NRXN1: variants seen among roughly 807,000 people sequenced by gnomAD.
NRXN1 encodes neurexin 1, also known as neurexin-1.
NRXN1 carries 39 observed loss-of-function variants against 150.9 expected under a neutral mutation model. The observed-to-expected ratio is 0.26, with a 90% CI of 0.20 to 0.34. NRXN1 has a LOEUF of 0.34. Ranked by LOEUF, NRXN1 falls within the 10% of genes least tolerant of loss-of-function variation. The pLI, the probability that NRXN1 is intolerant of heterozygous loss-of-function variation, is 1.00. For synonymous variants in NRXN1, 924 were observed against 757.0 expected (o/e 1.22, Z -3.62); for missense variants, 1,815 against 1,949.9 (o/e 0.93, Z 1.30).
chr2:50,118,115 T>G (rs1276898485), intron 18 of NRXN1, among the ~76,000 whole-genome samples: 1 of 152,216 alleles, frequency 6.6e-6, no homozygotes, highest in South Asian at 2.1e-4. Context: ...AGTAAGATCT[T>G]AACGTTGTAC....
chr2:50,113,475 T>C (rs1702638161), intron 18 of NRXN1, among the ~76,000 whole-genome samples: 2 of 152,212 alleles, frequency 1.3e-5, no homozygotes, highest in Non-Finnish European at 2.9e-5. Flanking sequence ...TTTTTGTCCA[T>C]GGAAGTTCTG....
At chr2:50,481,758 TTC>T in intron 15 of NRXN1, among the ~76,000 whole-genome samples, 1 of 97,642 alleles carries the variant, frequency 1.0e-5, no homozygotes, top group African/African-American at 5.2e-5. Context: ...GAACTTTTGT[TTC>T]TTTTTTTTTT....
intron 5 of NRXN1, among the ~76,000 whole-genome samples, chr2:50,903,418 A>C (rs1020475392): frequency 6.6e-6 from 1 of 152,186 alleles, no homozygotes; most frequent in Non-Finnish European, 1.5e-5. Flanking sequence ...TGTTTCTATT[A>C]TGTTGATGGT....
At chr2:50,352,054 G>A (rs1371582509) in intron 17 of NRXN1, among the ~76,000 whole-genome samples, 1 of 152,034 alleles carries the variant, frequency 6.6e-6, no homozygotes, top group East Asian at 1.9e-4. Context: ...AACAACCATG[G>A]CTACTGAGAT....
At chr2:50,864,093 C>G (rs1478236749) in intron 5 of NRXN1, among the ~76,000 whole-genome samples, 1 of 151,974 alleles carries the variant, frequency 6.6e-6, no homozygotes, top group Non-Finnish European at 1.5e-5. Context: ...AATTTACACA[C>G]AAAAGGTCTT....
chr2:50,973,543 C>T (rs928958831), intron 2 of NRXN1, among the ~76,000 whole-genome samples: 12 of 152,052 alleles, frequency 7.9e-5, no homozygotes, highest in Non-Finnish European at 2.9e-5. Context: ...TTAAGTCCAA[C>T]ATTTCATCTT....
At chr2:49,981,266 A>T (rs2152508037) in intron 21 of NRXN1, among the ~76,000 whole-genome samples, 1 of 152,216 alleles carries the variant, frequency 6.6e-6, no homozygotes. Context: ...AATGCAGTTT[A>T]CCAAACAGTA....
intron 21 of NRXN1, among the ~76,000 whole-genome samples, chr2:50,050,399 A>G (rs866601054): frequency 7.9e-5 from 12 of 152,020 alleles, no homozygotes; most frequent in Middle Eastern, 3.2e-3. Context: ...AAAACATGCA[A>G]TCACCCCAAG....
rs554554237 is a variant in NRXN1, at chr2:50,892,108, G to C, written c.832+29761C>G. On this transcript the variant is annotated intron_variant, in intron 5 of 22. Transcript: ENST00000401669. ...GTTCTGAAGCCTTTATTTCAGATCA[G>C]ATGGAGACAGACTTCTTTGAGAAGG... Among the ~76,000 whole-genome samples, 17 of 152,206 alleles carry C rather than the reference G, an allele frequency of 1.1e-4. No individual in the cohort carries two copies. In the East Asian group the frequency reaches 3.1e-3, roughly 28 times the overall value.
chr2:50,813,171 G>T (rs1668464992), intron 5 of NRXN1, among the ~76,000 whole-genome samples: 1 of 151,628 alleles, frequency 6.6e-6, no homozygotes, highest in Non-Finnish European at 1.5e-5. Context: ...CTCAAGCCAG[G>T]GTGACAGCAA....
intron 5 of NRXN1, among the ~76,000 whole-genome samples, chr2:50,729,176 T>G (rs1697772134): frequency 6.6e-6 from 1 of 152,212 alleles, no homozygotes; most frequent in Admixed American, 6.5e-5. Flanking sequence ...AATAATCATA[T>G]TTTCATTGAA....
chr2:50,188,029 A>G (rs2061200394), intron 18 of NRXN1, among the ~76,000 whole-genome samples: 1 of 152,048 alleles, frequency 6.6e-6, no homozygotes, highest in Admixed American at 6.6e-5. Flanking sequence ...GCAAACAGAG[A>G]AAATTTGACT....
chr2:50,009,017 T>A (rs532994622), intron 21 of NRXN1, among the ~76,000 whole-genome samples: 1 of 152,322 alleles, frequency 6.6e-6, no homozygotes, highest in East Asian at 1.9e-4. Flanking sequence ...AAGCTCAGGA[T>A]GGTTTCAATC....
intron 17 of NRXN1, among the ~76,000 whole-genome samples, chr2:50,245,773 C>T (rs987516494): frequency 1.3e-5 from 2 of 151,310 alleles, no homozygotes; most frequent in Non-Finnish European, 3.0e-5. Context: ...ATGACATAAA[C>T]ATAGAACTTA....
At chr2:50,757,399 A>T (rs372182571) in intron 5 of NRXN1, among the ~76,000 whole-genome samples, 4 of 151,852 alleles carry the variant, frequency 2.6e-5, no homozygotes, top group Non-Finnish European at 4.4e-5. Context: ...CACTGGCATG[A>T]GTGAATAACT....
At chr2:50,148,465 A>G (rs78990026) in intron 18 of NRXN1, among the ~76,000 whole-genome samples, 1 of 151,590 alleles carries the variant, frequency 6.6e-6, no homozygotes, top group South Asian at 2.1e-4. Flanking sequence ...GCAAAAAAAA[A>G]CAAAGTCTAA....
chr2:50,061,321 A>G (rs1247523832), intron 19 of NRXN1, among the ~76,000 whole-genome samples: 8 of 152,164 alleles, frequency 5.3e-5, no homozygotes, highest in Admixed American at 5.2e-4. Context: ...ATAATTTCCA[A>G]TGACCTTTTC....
At chr2:50,445,339 C>G (rs142860002) in intron 17 of NRXN1, among the ~76,000 whole-genome samples, 1 of 152,192 alleles carries the variant, frequency 6.6e-6, no homozygotes, top group African/African-American at 2.4e-5. Context: ...GTACGTGAAT[C>G]TCTCAGTGCA....
chr2:50,247,588 A>G (rs1264700020), intron 17 of NRXN1, among the ~76,000 whole-genome samples: 1 of 152,160 alleles, frequency 6.6e-6, no homozygotes. Context: ...CAATCTAATC[A>G]TAAGAAAACA....
Sources: allele counts gnomAD v4.1 joint callset (sites outside exome capture counted in the v4.1 genomes callset), GRCh38; gene constraint gnomAD v4.1.1; transcripts MANE v1.5; gene names NCBI Gene and HGNC (gene_info 2026-07-23, HGNC 2026-07-21).